The following MCF2L variants were observed in gnomAD, a reference collection of about 807,000 sequenced individuals.
The protein encoded by MCF2L is MCF.2 cell line derived transforming sequence like.
In MCF2L, 97 loss-of-function variants were observed where a neutral mutation model predicts 153.4. The ratio of observed to expected loss-of-function variants is 0.63; its 90% CI spans 0.54 to 0.75. MCF2L has a LOEUF of 0.75. MCF2L is among the 30% of genes least tolerant of loss of function. The probability of loss-of-function intolerance (pLI) is 0.00; values close to 1 mark genes in which losing one functional copy is unlikely to be tolerated. For synonymous variants in MCF2L, 659 were observed against 632.2 expected (o/e 1.04, Z -0.64); for missense variants, 1,347 against 1,495.2 (o/e 0.90, Z 1.64).
chr13:113,096,133 G>GA lies in MCF2L; in HGVS notation c.3076-237dup, dbSNP rs374361990. On this transcript the variant is annotated intron_variant, in intron 27 of 29. Coordinates refer to ENST00000535094, the MANE Select transcript of MCF2L (RefSeq NM_001112732.3). ...GAGAGCTGTGTGTGGAGACCAGCGTGAGGGGCTGGGGCAGCTGGGCCCAAA... is the reference window on the plus strand; with the variant it reads ...GAGAGCTGTGTGTGGAGACCAGCGTGAAGGGGCTGGGGCAGCTGGGCCCAAA... 201 of 587,522 alleles carry GA rather than the reference G, an allele frequency of 3.4e-4. 1 individual carries two copies. Among genetic ancestry groups the GA allele is most frequent in the African/African-American group, 3.2e-3 (170 of 52,634 alleles). The allele number at this position is 587,522 out of a possible 1,614,324, so 36.4% of individuals were successfully genotyped here.
In MCF2L at chr13:112,980,860, G is replaced by A. The variant is rs906659337; in HGVS notation, c.79+11402G>A. On this transcript the variant is annotated intron_variant, in intron 1 of 29. Transcript: ENST00000535094. ...GGGGCTGTGCGTGAATCCCGCACAC[G>A]CCAGGGTGTCCAGCGCTCCATTCAC... Among the ~76,000 whole-genome samples the A allele has an allele frequency of 3.3e-5, 5 of 152,200 alleles. No homozygotes were observed. The South Asian group carries it at 8.3e-4, about 25-fold the overall frequency.
At position 113,084,961 on chromosome 13, in the gene MCF2L, T is replaced by C; in HGVS notation, c.2131T>C (p.Cys711Arg). ...KPRSESLWRQ[C>R]SDCPFFQECQ... ...CCGCTCTGAGAGCCTGTGGAGACAGTGCTCCGACTGCCCGTTTTTCCAGGT... is the reference window on the plus strand; with the variant it reads ...CCGCTCTGAGAGCCTGTGGAGACAGCGCTCCGACTGCCCGTTTTTCCAGGT... The change falls in exon 19 of 30, where the codon TGC becomes CGC. Residue 711 changes from cysteine to arginine, a missense_variant. This residue lies in a region of MCF2L where 144 missense variants were observed against 238.7 expected (regional missense o/e 0.60). Coordinates refer to ENST00000535094, the MANE Select transcript of MCF2L (RefSeq NM_001112732.3). The C allele has an allele frequency of 6.2e-7, 1 of 1,614,038 alleles. No individual in the cohort carries two copies. The highest frequency in any genetic ancestry group is 8.5e-7 in the Non-Finnish European group (1 of 1,180,002).
intron 3 of MCF2L, among the ~76,000 whole-genome samples, chr13:113,025,694 G>A (rs2085220543): frequency 8.1e-6 from 1 of 123,516 alleles, no homozygotes; most frequent in Non-Finnish European, 1.8e-5. Flanking sequence ...CTGTCATGGG[G>A]TCCCCGTGAC....
At chr13:113,041,874 C>T (rs914564562) in intron 3 of MCF2L, among the ~76,000 whole-genome samples, 7 of 152,118 alleles carry the variant, frequency 4.6e-5, no homozygotes, top group Admixed American at 3.9e-4. Flanking sequence ...CCAGGGTGGA[C>T]GTGGCCTTAG....
At chr13:112,995,408 G>A (rs1421490832) in intron 1 of MCF2L, among the ~76,000 whole-genome samples, 2 of 152,248 alleles carry the variant, frequency 1.3e-5, no homozygotes, top group African/African-American at 4.8e-5. Context: ...AGAGCTTAGG[G>A]CAGCATCCAG....
intron 1 of MCF2L, among the ~76,000 whole-genome samples, chr13:112,981,674 G>A (rs1250795451): frequency 3.3e-5 from 5 of 152,248 alleles, no homozygotes; most frequent in Non-Finnish European, 5.9e-5. Context: ...TCCTGGCAGG[G>A]TCCACACCCC....
chr13:113,091,023 C>G, intron 26 of MCF2L: 1 of 1,287,866 alleles, frequency 7.8e-7, no homozygotes, highest in Middle Eastern at 2.2e-4. Context: ...ACGTCGGTGT[C>G]CCCTTCCAGC....
rs748382356 is a variant in MCF2L, at chr13:113,035,141, C to T, written c.279-10130C>T. ...CTTGTGATATTCACTTCCAACCACA[C>T]GAGGGTGCAGCTGGGCAACCGCAGC... On this transcript the variant is annotated intron_variant, in intron 3 of 29. Transcript: ENST00000535094. The surrounding 1 kb of genome is among the most constrained non-coding windows in gnomAD (Gnocchi z 4.4). Among the ~76,000 whole-genome samples the T allele has an allele frequency of 3.3e-5, 5 of 152,212 alleles. No individual in the cohort carries two copies. The highest frequency in any genetic ancestry group is 7.2e-5 in the African/African-American group (3 of 41,452).
intron 2 of MCF2L, among the ~76,000 whole-genome samples, chr13:112,961,300 A>G (rs2081822782): frequency 6.6e-6 from 1 of 152,238 alleles, no homozygotes; most frequent in South Asian, 2.1e-4. Context: ...CACTAATTTG[A>G]AAGTGTCGAG....
rs778703456 is a variant in MCF2L, at chr13:113,070,041, ACTC to A, written c.882-11_882-9del. On this transcript the variant is annotated splice_polypyrimidine_tract_variant and intron_variant, in intron 8 of 29. Transcript: ENST00000535094. The surrounding 1 kb of genome is among the most constrained non-coding windows in gnomAD (Gnocchi z 5.6). ...GCGCCGTGGGCCACACAGACGGTCA[ACTC>A]CTCCTCTTTCCCAGGCTCCTGGCCC... 9.4e-6 allele frequency: 15 copies of A among 1,592,786 alleles called. No individual in the cohort carries two copies. The highest frequency in any genetic ancestry group is 2.7e-5 in the African/African-American group (2 of 73,992).
rs776002410 is a variant in MCF2L, at chr13:112,943,593, C to G, written c.169+41222C>G. The stretch of plus-strand genomic sequence containing the variant: ...TCCGCGCCTTTCAAGGAGGAGGCCC[C>G]GTGCAGGCGCCCAGGCGCAGAGGAG... On this transcript the variant is annotated intron_variant, in intron 2 of 29. Coordinates refer to the MCF2L transcript ENST00000375608. This position sits in a 1 kb window ranked among gnomAD's most constrained non-coding sequence, Gnocchi z 4.2. Among the ~76,000 whole-genome samples, 3 of 152,076 alleles carry G rather than the reference C, an allele frequency of 2.0e-5. No homozygotes were observed. The highest frequency in any genetic ancestry group is 2.1e-4 in the South Asian group (1 of 4,820).
intron 2 of MCF2L, among the ~76,000 whole-genome samples, chr13:113,021,082 TTGTACATATA>T (rs2084856720): frequency 1.3e-5 from 2 of 152,046 alleles, no homozygotes; most frequent in Admixed American, 1.3e-4. Flanking sequence ...GTGTGTATGT[TTGTACATATA>T]TGTACATATA....
intron 2 of MCF2L, among the ~76,000 whole-genome samples, chr13:113,022,772 C>G (rs534284839): frequency 6.6e-6 from 1 of 152,232 alleles, no homozygotes; most frequent in Non-Finnish European, 1.5e-5. Flanking sequence ...GAGCCCCCAC[C>G]GCGGCGGCGG....
At position 113,035,426 on chromosome 13, in the gene MCF2L, T is replaced by C. The variant is rs2086093998; in HGVS notation, c.279-9845T>C. Among the ~76,000 whole-genome samples the C allele has an allele frequency of 6.6e-6, 1 of 152,106 alleles. No homozygotes were observed. Among genetic ancestry groups the C allele is most frequent in the Non-Finnish European group, 1.5e-5 (1 of 68,018 alleles). On this transcript the variant is annotated intron_variant, in intron 3 of 29. Transcript: ENST00000535094. This position sits in a 1 kb window ranked among gnomAD's most constrained non-coding sequence, Gnocchi z 4.4. ...GAGACTTCCTTGGCGGGAAACCAGG[T>C]CCTCTGACCTCACCCGGCTCTGCAG...
chr13:113,023,972 G>T (rs1209197468), intron 2 of MCF2L, among the ~76,000 whole-genome samples: 1 of 152,244 alleles, frequency 6.6e-6, no homozygotes, highest in Admixed American at 6.5e-5. Flanking sequence ...CTTCCGCTGA[G>T]TCCTGTGGGC....
At chr13:113,088,997 G>A (rs958459333) in intron 25 of MCF2L, among the ~76,000 whole-genome samples, 2 of 152,216 alleles carry the variant, frequency 1.3e-5, no homozygotes, top group African/African-American at 4.8e-5. Context: ...GACCCTGACC[G>A]TGGCTTCGTC....
chr13:112,979,341 G>C (rs2082319408), intron 1 of MCF2L: 1 of 1,258,850 alleles, frequency 7.9e-7, no homozygotes, highest in Non-Finnish European at 1.0e-6. Flanking sequence ...CAGGCCCAGC[G>C]GCTGGGTTTC....
chr13:112,978,825 T>C (rs1467712922), intron 1 of MCF2L, among the ~76,000 whole-genome samples: 1 of 152,134 alleles, frequency 6.6e-6, no homozygotes, highest in African/African-American at 2.4e-5. Context: ...CACATAACAA[T>C]GAGTTAAAAT....
At position 113,024,624 on chromosome 13, in the gene MCF2L, T is replaced by C; in HGVS notation, c.164-20T>C. 6.4e-7 allele frequency: 1 copy of C among 1,567,054 alleles called. No homozygotes were observed. The stretch of plus-strand genomic sequence containing the variant: ...GGCATGGAGCCCTCGGCTAAGGGTC[T>C]GCCTCTGGTCTCTCCCCAGGTGGGC... On this transcript the variant is annotated intron_variant, in intron 2 of 29. Transcript: ENST00000535094.
Sources: gnomAD v4.1 joint callset for allele counts (sites outside exome capture counted in the v4.1 genomes callset) on GRCh38, gnomAD v4.1.1 for gene constraint, gnomAD v4.1.1 regional missense constraint, Gnocchi (gnomAD v3.1) non-coding constraint, MANE v1.5 for transcripts, NCBI Gene and HGNC (gene_info 2026-07-23, HGNC 2026-07-21) for gene names.